Variants in EEIG1 observed in about 807,000 individuals in gnomAD.
EEIG1 encodes the protein early estrogen-induced gene 1 protein.
At chr9:127,943,248 G>A in the EEIG1 span, 1 of 1,613,978 alleles carries the variant, frequency 6.2e-7, no homozygotes, top group African/African-American at 1.3e-5. Flanking sequence ...CTGCAGGTGA[G>A]AGACAGGTCA....
At chr9:127,976,903 T>G in the EEIG1 span, among the ~76,000 whole-genome samples, 1 of 151,920 alleles carries the variant, frequency 6.6e-6, no homozygotes, top group Non-Finnish European at 1.5e-5. This position sits in a 1 kb window ranked among gnomAD's most constrained non-coding sequence, Gnocchi z 4.1. Flanking sequence ...CCAGGTCCAG[T>G]TCCCCCAGAC....
At chr9:127,954,180 C>A in the EEIG1 span, among the ~76,000 whole-genome samples, 1 of 152,322 alleles carries the variant, frequency 6.6e-6, no homozygotes, top group South Asian at 2.1e-4. Flanking sequence ...GCTGTCCCTC[C>A]CCAGGAAGCC....
the EEIG1 span, among the ~76,000 whole-genome samples, chr9:127,969,458 G>A: frequency 5.3e-5 from 8 of 152,178 alleles, no homozygotes. Flanking sequence ...AATGCTGCCA[G>A]CCTTTACTGA....
At chr9:127,970,519 A>C in the EEIG1 span, among the ~76,000 whole-genome samples, 1 of 152,170 alleles carries the variant, frequency 6.6e-6, no homozygotes, top group African/African-American at 2.4e-5. Flanking sequence ...TCAGCACTGC[A>C]CAGTATGCCT....
chr9:127,975,921 T>C, the EEIG1 span, among the ~76,000 whole-genome samples: 2 of 152,126 alleles, frequency 1.3e-5, no homozygotes, highest in African/African-American at 2.4e-5. Flanking sequence ...GGCCCCCCTA[T>C]GTGGATACAT....
At chr9:127,943,196 T>C in the EEIG1 span, 1 of 1,614,082 alleles carries the variant, frequency 6.2e-7, no homozygotes, top group East Asian at 2.2e-5. Context: ...TGCTCCTCAA[T>C]GGCTTTCAAT....
At chr9:127,965,258 C>T in the EEIG1 span, among the ~76,000 whole-genome samples, 71 of 152,154 alleles carry the variant, frequency 4.7e-4, 1 homozygote, top group African/African-American at 1.6e-3. Context: ...GGCTGTCCTG[C>T]GCACTGTGGG....
At chr9:127,950,385 C>A in the EEIG1 span, 1 of 1,603,928 alleles carries the variant, frequency 6.2e-7, no homozygotes, top group Non-Finnish European at 8.5e-7. Context: ...GTCCCCATCC[C>A]GTGGTCAGGG....
the EEIG1 span, among the ~76,000 whole-genome samples, chr9:127,973,195 A>C: frequency 6.6e-6 from 1 of 152,164 alleles, no homozygotes; most frequent in South Asian, 2.1e-4. This position sits in a 1 kb window ranked among gnomAD's most constrained non-coding sequence, Gnocchi z 4.2. Context: ...GGGTCACTGC[A>C]TAGCAGTCAC....
At chr9:127,944,688 TG>T in the EEIG1 span, 2 of 1,613,012 alleles carry the variant, frequency 1.2e-6, no homozygotes, top group Non-Finnish European at 1.7e-6. Flanking sequence ...TTGCTGTCTG[TG>T]GGGACACAGG....
the EEIG1 span, among the ~76,000 whole-genome samples, chr9:127,964,282 C>T: frequency 6.6e-6 from 1 of 152,356 alleles, no homozygotes; most frequent in African/African-American, 2.4e-5. Context: ...GCAGAGAATT[C>T]TGCCTCTGTG....
chr9:127,949,086 C>T, the EEIG1 span, among the ~76,000 whole-genome samples: 2 of 151,942 alleles, frequency 1.3e-5, no homozygotes, highest in Non-Finnish European at 2.9e-5. Flanking sequence ...GAGGCCAAGG[C>T]GGGCAGATCA....
At chr9:127,948,281 C>G in the EEIG1 span, 6 of 1,612,376 alleles carry the variant, frequency 3.7e-6, no homozygotes, top group South Asian at 1.1e-5. Context: ...CAGATGAAAA[C>G]AGAGGACACC....
chr9:127,979,787 TAG>T, the EEIG1 span, among the ~76,000 whole-genome samples: 1 of 152,132 alleles, frequency 6.6e-6, no homozygotes, highest in Non-Finnish European at 1.5e-5. Context: ...GCTGAAAGAC[TAG>T]ACCCCCAGGT....
the EEIG1 span, chr9:127,948,057 A>T: frequency 1.9e-6 from 3 of 1,607,426 alleles, no homozygotes; most frequent in Non-Finnish European, 2.5e-6. Flanking sequence ...GGGCGGACAG[A>T]TGAGGAACTG....
At chr9:127,945,866 C>G in the EEIG1 span, 2 of 720,976 alleles carry the variant, frequency 2.8e-6, no homozygotes, top group Admixed American at 4.8e-5. This position sits in a 1 kb window ranked among gnomAD's most constrained non-coding sequence, Gnocchi z 6.5. Flanking sequence ...CGCCATTTAA[C>G]AGACTGAAAA....
the EEIG1 span, among the ~76,000 whole-genome samples, chr9:127,960,024 T>A: frequency 6.6e-6 from 1 of 152,198 alleles, no homozygotes; most frequent in African/African-American, 2.4e-5. Context: ...GTGAATTATA[T>A]CTCAATAAAG....
At chr9:127,965,569 G>A in the EEIG1 span, among the ~76,000 whole-genome samples, 6 of 152,212 alleles carry the variant, frequency 3.9e-5, no homozygotes, top group Admixed American at 6.5e-5. Context: ...CCTGCCATCC[G>A]TCTGCCCCTC....
chr9:127,945,616 A>C, the EEIG1 span: 8 of 1,564,380 alleles, frequency 5.1e-6, no homozygotes, highest in East Asian at 2.4e-5. This position sits in a 1 kb window ranked among gnomAD's most constrained non-coding sequence, Gnocchi z 6.5. Context: ...AGGAAGGAGG[A>C]GGCCACGGGG....
Sources: gnomAD v4.1 joint callset for allele counts (sites outside exome capture counted in the v4.1 genomes callset) on GRCh38, gnomAD v4.1.1 for gene constraint, Gnocchi (gnomAD v3.1) non-coding constraint, MANE v1.5 for transcripts, NCBI Gene and HGNC (gene_info 2026-07-23, HGNC 2026-07-21) for gene names.